The following PCDH9 variants were observed in gnomAD, a reference collection of about 807,000 sequenced individuals.
PCDH9 encodes protocadherin 9, also known as protocadherin-9.
Under a neutral mutation model 70.6 loss-of-function variants are expected in PCDH9, and 24 were observed. That is an observed-to-expected ratio of 0.34 (90% confidence interval 0.25 to 0.48). The LOEUF is 0.48. Among genes scored for constraint, PCDH9 ranks in the 20% least tolerant of loss-of-function variants. The pLI, the probability that PCDH9 is intolerant of heterozygous loss-of-function variation, is 0.99. For missense variants in PCDH9, 1,281 were observed against 1,503.6 expected, an observed-to-expected ratio of 0.85 and a Z score of 2.45; for synonymous variants, 562 against 558.5, an observed-to-expected ratio of 1.01 and a Z score of -0.09.
intron 3 of PCDH9, among the ~76,000 whole-genome samples, chr13:66,695,625 T>G (rs1165849460): frequency 6.6e-6 from 1 of 152,312 alleles, no homozygotes; most frequent in Admixed American, 6.5e-5. Flanking sequence ...TCTTAAAAAC[T>G]GTCTGTTAAA....
intron 2 of PCDH9, among the ~76,000 whole-genome samples, chr13:67,020,945 C>A (rs1394515372): frequency 1.3e-5 from 2 of 152,144 alleles, no homozygotes; most frequent in Admixed American, 1.3e-4. Flanking sequence ...TATGAGAAAA[C>A]TGAGGTTAAA....
At chr13:66,361,181 C>T (rs1485019820) in intron 4 of PCDH9, among the ~76,000 whole-genome samples, 1 of 152,122 alleles carries the variant, frequency 6.6e-6, no homozygotes, top group Non-Finnish European at 1.5e-5. Flanking sequence ...TGACTTTACT[C>T]ATCCAACAGG....
At chr13:66,364,368 G>A (rs986538098) in intron 4 of PCDH9, among the ~76,000 whole-genome samples, 3 of 152,126 alleles carry the variant, frequency 2.0e-5, no homozygotes, top group Non-Finnish European at 4.4e-5. Context: ...TTATGATTGA[G>A]TATATGATCA....
intron 4 of PCDH9, among the ~76,000 whole-genome samples, chr13:66,479,813 A>G (rs997911813): frequency 2.0e-5 from 3 of 152,228 alleles, no homozygotes; most frequent in Non-Finnish European, 2.9e-5. Context: ...TGGACTAATC[A>G]GCACTCTGTA....
intron 2 of PCDH9, among the ~76,000 whole-genome samples, chr13:66,957,478 C>T (rs550641600): frequency 3.3e-5 from 5 of 152,206 alleles, no homozygotes; most frequent in African/African-American, 1.2e-4. Flanking sequence ...CAGGTTCTCT[C>T]CTAAAGAAAG....
At chr13:67,163,265 T>A (rs1361140020) in intron 2 of PCDH9, among the ~76,000 whole-genome samples, 6 of 152,206 alleles carry the variant, frequency 3.9e-5, no homozygotes, top group Non-Finnish European at 2.9e-5. Context: ...TCTCACTTAG[T>A]GGAGATGAAC....
intron 3 of PCDH9, among the ~76,000 whole-genome samples, chr13:66,779,849 C>CTCTATATATATATATATATATATA (rs1395244975): frequency 1.3e-5 from 1 of 78,920 alleles, no homozygotes; most frequent in African/African-American, 5.2e-5. Flanking sequence ...CTCTCTCTCT[C>CTCTATATATATATATATATATATA]TATATATATA....
At chr13:66,913,640 T>A (rs2082508646) in intron 2 of PCDH9, among the ~76,000 whole-genome samples, 1 of 151,994 alleles carries the variant, frequency 6.6e-6, no homozygotes, top group African/African-American at 2.4e-5. Context: ...ATGTAAGATA[T>A]TATTATACAT....
At chr13:66,450,393 A>G (rs1469045663) in intron 4 of PCDH9, among the ~76,000 whole-genome samples, 1 of 152,210 alleles carries the variant, frequency 6.6e-6, no homozygotes, top group Non-Finnish European at 1.5e-5. Flanking sequence ...GAATGATAGG[A>G]TATTTTCTAG....
At chr13:66,471,019 T>A (rs1958609197) in intron 4 of PCDH9, among the ~76,000 whole-genome samples, 1 of 151,572 alleles carries the variant, frequency 6.6e-6, no homozygotes, top group African/African-American at 2.4e-5. Context: ...ACTGTTAAGA[T>A]CTGATTAGAA....
chr13:66,802,192 TAATC>T (rs924982467), intron 3 of PCDH9, among the ~76,000 whole-genome samples: 31 of 151,982 alleles, frequency 2.0e-4, no homozygotes, highest in African/African-American at 7.2e-4. Context: ...TAGTTAGTAT[TAATC>T]AAAGTTTCAT....
At chr13:66,699,758 G>A (rs1486472003) in intron 3 of PCDH9, among the ~76,000 whole-genome samples, 2 of 152,132 alleles carry the variant, frequency 1.3e-5, no homozygotes, top group Non-Finnish European at 2.9e-5. Context: ...AAGATACTCA[G>A]TTGGTGGTCA....
chr13:66,414,253 T>G (rs1409449939), intron 4 of PCDH9, among the ~76,000 whole-genome samples: 2 of 152,202 alleles, frequency 1.3e-5, no homozygotes, highest in African/African-American at 4.8e-5. Context: ...AATAAACAAA[T>G]GGGTTTGGTT....
intron 3 of PCDH9, among the ~76,000 whole-genome samples, chr13:66,794,092 A>T (rs1292404065): frequency 6.6e-6 from 1 of 152,172 alleles, no homozygotes; most frequent in Non-Finnish European, 1.5e-5. Context: ...TCTATGAAGG[A>T]ATAATTCTCT....
At chr13:66,504,108 C>T (rs1959191509) in intron 4 of PCDH9, among the ~76,000 whole-genome samples, 1 of 152,190 alleles carries the variant, frequency 6.6e-6, no homozygotes, top group Admixed American at 6.5e-5. Flanking sequence ...CCAGCTGAGT[C>T]ATTGTACTCA....
intron 2 of PCDH9, among the ~76,000 whole-genome samples, chr13:66,954,782 G>A (rs1272993529): frequency 6.6e-6 from 1 of 152,054 alleles, no homozygotes; most frequent in Non-Finnish European, 1.5e-5. Flanking sequence ...TTTGTTTTTT[G>A]AGACGGAGTC....
chr13:66,561,207 G>T lies in PCDH9; in HGVS notation c.3340+70003C>A, dbSNP rs1814635708. ...GGGCAGTGAGGGGCTTAGCGCCTGG[G>T]CCAGCAGCTGCTGTGCTCAATTTCT... is the stretch of plus-strand genomic sequence containing the variant. On this transcript the variant is annotated intron_variant, in intron 4 of 4. Coordinates refer to ENST00000377865, the MANE Select transcript of PCDH9 (RefSeq NM_203487.3). Among the ~76,000 whole-genome samples, 3 of 152,362 alleles carry T rather than the reference G, an allele frequency of 2.0e-5. No homozygotes were observed. The South Asian group carries it at 6.2e-4, about 32-fold the overall frequency.
At chr13:66,558,657 T>C (rs1961854820) in intron 4 of PCDH9, among the ~76,000 whole-genome samples, 1 of 151,956 alleles carries the variant, frequency 6.6e-6, no homozygotes, top group Non-Finnish European at 1.5e-5. Context: ...CTGGAGCAAC[T>C]GCCAAAGTCA....
chr13:67,217,280 A>AG (rs2089630448), intron 2 of PCDH9: 1 of 151,488 alleles, frequency 6.6e-6, no homozygotes, highest in East Asian at 1.9e-4. Context: ...AGGAAAAAAA[A>AG]AAACCTAATT....
Sources: allele counts gnomAD v4.1 joint callset (sites outside exome capture counted in the v4.1 genomes callset), GRCh38; gene constraint gnomAD v4.1.1; transcripts MANE v1.5; gene names NCBI Gene and HGNC (gene_info 2026-07-23, HGNC 2026-07-21).